The following EPHA3 variants were observed in gnomAD, a reference collection of about 807,000 sequenced individuals.
EPHA3 encodes the protein EPH receptor A3, also known as ephrin type-A receptor 3.
In EPHA3, 42 loss-of-function variants were observed where a neutral mutation model predicts 107.1. The observed-to-expected ratio is 0.39, with a 90% CI of 0.31 to 0.51. The LOEUF (loss-of-function observed/expected upper bound fraction) is 0.51. Among genes scored for constraint, EPHA3 ranks in the 20% least tolerant of loss-of-function variants. EPHA3 has a pLI of 0.78. For synonymous variants in EPHA3, 461 were observed against 424.8 expected, an observed-to-expected ratio of 1.09 and a Z score of -1.05; for missense variants, 1,183 against 1,211.2, an observed-to-expected ratio of 0.98 and a Z score of 0.35.
intron 5 of EPHA3, among the ~76,000 whole-genome samples, chr3:89,393,962 TAG>T (rs1377337748): frequency 8.4e-6 from 1 of 119,304 alleles, no homozygotes; most frequent in Non-Finnish European, 1.7e-5. Context: ...GGGACTAAAA[TAG>T]AGGATTATTG....
intron 3 of EPHA3, among the ~76,000 whole-genome samples, chr3:89,290,413 T>C (rs1277236342): frequency 6.6e-6 from 1 of 152,124 alleles, no homozygotes; most frequent in Non-Finnish European, 1.5e-5. Context: ...GAGGAAAACA[T>C]GCTTTTACAC....
At chr3:89,411,870 A>ATGAG (rs1199496968) in intron 9 of EPHA3, among the ~76,000 whole-genome samples, 32 of 152,020 alleles carry the variant, frequency 2.1e-4, no homozygotes, top group African/African-American at 7.7e-4. Flanking sequence ...ACTTTCCCAT[A>ATGAG]ATTCTCCCAT....
chr3:89,291,844 T>C (rs1706212950), intron 3 of EPHA3, among the ~76,000 whole-genome samples: 1 of 152,202 alleles, frequency 6.6e-6, no homozygotes, highest in African/African-American at 2.4e-5. Context: ...AATGTCTACT[T>C]CTTCAACAAA....
chr3:89,329,407 T>A (rs764670329), intron 3 of EPHA3, among the ~76,000 whole-genome samples: 20 of 152,280 alleles, frequency 1.3e-4, no homozygotes, highest in Admixed American at 2.6e-4. Flanking sequence ...TTCTTCCTTA[T>A]GGTCCACATT....
intron 9 of EPHA3, among the ~76,000 whole-genome samples, chr3:89,410,316 A>T (rs1388867004): frequency 6.6e-6 from 1 of 151,962 alleles, no homozygotes; most frequent in East Asian, 1.9e-4. Context: ...GGTATCCATC[A>T]TACATATATT....
At chr3:89,352,262 C>G (rs1408242422) in intron 5 of EPHA3, among the ~76,000 whole-genome samples, 1 of 151,342 alleles carries the variant, frequency 6.6e-6, no homozygotes, top group African/African-American at 2.4e-5. Context: ...TTCCTTTCTT[C>G]TGGCTGAAAA....
chr3:89,272,247 C>T (rs1576280712), intron 3 of EPHA3, among the ~76,000 whole-genome samples: 1 of 151,380 alleles, frequency 6.6e-6, no homozygotes, highest in Non-Finnish European at 1.5e-5. Flanking sequence ...AAGGGTCAAC[C>T]GTACTACCAT....
At chr3:89,249,058 G>A (rs1705102374) in intron 3 of EPHA3, among the ~76,000 whole-genome samples, 1 of 152,300 alleles carries the variant, frequency 6.6e-6, no homozygotes, top group African/African-American at 2.4e-5. Flanking sequence ...TGGGTCCAGA[G>A]GGTAGTTCTT....
At chr3:89,270,570 A>G (rs1212960738) in intron 3 of EPHA3, among the ~76,000 whole-genome samples, 1 of 152,136 alleles carries the variant, frequency 6.6e-6, no homozygotes. Flanking sequence ...AATTAAATGC[A>G]TGACCTCTCT....
intron 5 of EPHA3, among the ~76,000 whole-genome samples, chr3:89,357,665 T>G (rs2107453112): frequency 6.6e-6 from 1 of 151,322 alleles, no homozygotes; most frequent in East Asian, 1.9e-4. Context: ...TAAAGCTTGT[T>G]TTATTTCTCT....
chr3:89,380,520 T>A (rs1708480889), intron 5 of EPHA3, among the ~76,000 whole-genome samples: 1 of 152,184 alleles, frequency 6.6e-6, no homozygotes, highest in Non-Finnish European at 1.5e-5. Flanking sequence ...TCATTTTCTT[T>A]TCTTACTTAT....
At chr3:89,242,392 A>G (rs1257677754) in intron 3 of EPHA3, among the ~76,000 whole-genome samples, 1 of 152,078 alleles carries the variant, frequency 6.6e-6, no homozygotes, top group Non-Finnish European at 1.5e-5. Flanking sequence ...CTGCAACATA[A>G]TGTTTTAGTA....
At chr3:89,233,585 C>T (rs1704686566) in intron 3 of EPHA3, among the ~76,000 whole-genome samples, 1 of 152,144 alleles carries the variant, frequency 6.6e-6, no homozygotes, top group South Asian at 2.1e-4. Context: ...TACTGAATTG[C>T]TGTTGGTTTG....
rs1459866001 is a variant in EPHA3 at position 89,407,514 on chromosome 3, TCTC to T, written c.1697+149_1697+151del. On this transcript the variant is annotated intron_variant, in intron 8 of 16. Coordinates refer to ENST00000336596, the MANE Select transcript of EPHA3 (RefSeq NM_005233.6). ...CCACTTGTAGTTTAGGTCCTCTCTT[TCTC>T]CTCCTTTTCTTTGTTTCTCCATCCT... 10 of 647,512 alleles carry T rather than the reference TCTC, an allele frequency of 1.5e-5. No homozygotes were observed. In the Middle Eastern group the frequency reaches 8.7e-4, roughly 57 times the overall value. 40.1% of individuals were successfully genotyped at this position (647,512 alleles called of 1,614,324 possible). A position where few individuals can be genotyped will look rare whatever the true frequency, so the allele number is the denominator to read the frequency against.
intron 2 of EPHA3, among the ~76,000 whole-genome samples, chr3:89,149,548 A>G (rs1375180408): frequency 2.0e-5 from 3 of 151,864 alleles, no homozygotes; most frequent in South Asian, 2.1e-4. Flanking sequence ...GGTTTGTTAC[A>G]TATGTATACA....
intron 3 of EPHA3, among the ~76,000 whole-genome samples, chr3:89,239,459 A>C (rs1487686987): frequency 6.6e-6 from 1 of 152,154 alleles, no homozygotes; most frequent in Non-Finnish European, 1.5e-5. Flanking sequence ...TAAATCTTAC[A>C]TCTTAGGGAT....
intron 13 of EPHA3, among the ~76,000 whole-genome samples, chr3:89,442,319 T>C (rs1329674829): frequency 6.6e-6 from 1 of 152,150 alleles, no homozygotes; most frequent in Admixed American, 6.6e-5. Flanking sequence ...GACAGGGGTA[T>C]AAAATATCCC....
chr3:89,281,195 T>C (rs911351575), intron 3 of EPHA3, among the ~76,000 whole-genome samples: 1 of 152,080 alleles, frequency 6.6e-6, no homozygotes, highest in African/African-American at 2.4e-5. Flanking sequence ...GGCTAATTTC[T>C]TTTGTGTTTT....
At chr3:89,132,210 C>T (rs114029776) in intron 2 of EPHA3, among the ~76,000 whole-genome samples, 11 of 152,200 alleles carry the variant, frequency 7.2e-5, no homozygotes, top group African/African-American at 2.4e-4. Flanking sequence ...AAAGGCAGAG[C>T]CCAGTGAGCA....
Sources: allele counts gnomAD v4.1 joint callset (sites outside exome capture counted in the v4.1 genomes callset), GRCh38; gene constraint gnomAD v4.1.1; transcripts MANE v1.5; gene names NCBI Gene and HGNC (gene_info 2026-07-23, HGNC 2026-07-21).